The following AGAP1 variants were observed in gnomAD, a reference collection of about 807,000 sequenced individuals.
AGAP1 encodes arf-GAP with GTPase, ANK repeat and PH domain-containing protein 1.
A neutral mutation model predicts 105.3 loss-of-function variants in AGAP1; 29 were observed. That is an observed-to-expected ratio of 0.28 (90% CI 0.21 to 0.38). AGAP1 has a LOEUF of 0.38. Among genes scored for constraint, AGAP1 ranks in the 10% least tolerant of loss-of-function variants. AGAP1 has a pLI of 1.00. For missense variants in AGAP1, 998 were observed against 1,165.1 expected (o/e 0.86, Z 2.09); for synonymous variants, 509 against 485.9 (o/e 1.05, Z -0.63).
intron 3 of AGAP1, among the ~76,000 whole-genome samples, chr2:235,738,796 G>A (rs1004436514): frequency 1.3e-5 from 2 of 152,054 alleles, no homozygotes; most frequent in African/African-American, 4.8e-5. Flanking sequence ...GACCTCAGGT[G>A]ATCCACCTGC....
At chr2:236,004,426 T>C (rs1475139480) in intron 13 of AGAP1, among the ~76,000 whole-genome samples, 1 of 152,222 alleles carries the variant, frequency 6.6e-6, no homozygotes, top group Non-Finnish European at 1.5e-5. Flanking sequence ...CATTAAAAGC[T>C]AATCCTGAAA....
intron 1 of AGAP1, among the ~76,000 whole-genome samples, chr2:235,636,062 G>C (rs371478283): frequency 1.3e-5 from 2 of 152,090 alleles, no homozygotes; most frequent in East Asian, 1.9e-4. Context: ...GCAGTGAGCC[G>C]AGATCGTGCC....
At chr2:235,693,754 G>C (rs911831180) in intron 1 of AGAP1, among the ~76,000 whole-genome samples, 3 of 152,162 alleles carry the variant, frequency 2.0e-5, no homozygotes, top group Non-Finnish European at 4.4e-5. Flanking sequence ...GTAGAAATTA[G>C]ATAAGAGTTA....
chr2:235,805,823 CCT>C (rs1360042091), intron 8 of AGAP1, among the ~76,000 whole-genome samples: 1 of 152,040 alleles, frequency 6.6e-6, no homozygotes, highest in African/African-American at 2.4e-5. Context: ...TGATTTATTC[CCT>C]GTCATCTCAT....
intron 15 of AGAP1, among the ~76,000 whole-genome samples, chr2:236,043,209 A>G (rs920030004): frequency 1.3e-5 from 2 of 152,226 alleles, no homozygotes; most frequent in African/African-American, 2.4e-5. Flanking sequence ...CCTTTCGACA[A>G]TGTATATAAA....
intron 12 of AGAP1, among the ~76,000 whole-genome samples, chr2:235,937,126 C>T (rs545277859): frequency 3.5e-4 from 54 of 152,274 alleles, no homozygotes; most frequent in African/African-American, 1.1e-3. Flanking sequence ...AAAAGCGTTC[C>T]CTGGGGGTTG....
Position 236,005,119 on chromosome 2 carries a change from T to C in AGAP1, c.1646-31442T>C, listed in dbSNP as rs1395524530. ...CCACTTCCCCCTGACAAGTTTCCCA[T>C]GTTTTTTGTGTGTGTGTGTGTTTTG... On this transcript the variant is annotated intron_variant, in intron 13 of 17. Transcript: ENST00000304032. This position sits in a 1 kb window ranked among gnomAD's most constrained non-coding sequence, Gnocchi z 4.1. 7.0e-6 allele frequency among the ~76,000 whole-genome samples: 1 copy of C among 141,950 alleles called. No individual in the cohort carries two copies. The highest frequency in any genetic ancestry group is 2.0e-4 in the East Asian group (1 of 4,962). 93.1% of individuals were successfully genotyped at this position (141,950 alleles called of 152,430 possible).
intron 1 of AGAP1, chr2:235,670,729 C>A: frequency 1.2e-6 from 1 of 855,598 alleles, no homozygotes; most frequent in Non-Finnish European, 1.8e-6. Flanking sequence ...AGCGCAACAC[C>A]CTGGACGTGG....
At chr2:235,814,985 T>C (rs918777388) in intron 9 of AGAP1, among the ~76,000 whole-genome samples, 2 of 152,034 alleles carry the variant, frequency 1.3e-5, no homozygotes, top group Admixed American at 1.3e-4. Context: ...CCCATAGGGT[T>C]TGAGATGATG....
intron 16 of AGAP1, among the ~76,000 whole-genome samples, chr2:236,075,922 C>T (rs921386007): frequency 1.3e-5 from 2 of 152,194 alleles, no homozygotes; most frequent in South Asian, 2.1e-4. Context: ...TAGAGCAAAC[C>T]TCCGCAGGGA....
At chr2:235,649,767 G>A (rs1243507489) in intron 1 of AGAP1, among the ~76,000 whole-genome samples, 5 of 152,280 alleles carry the variant, frequency 3.3e-5, no homozygotes, top group East Asian at 1.9e-4. Flanking sequence ...GTTCTATCAC[G>A]GTAACGATAC....
rs1452837843 is a variant in AGAP1 at position 236,035,085 on chromosome 2, G to C, written c.1646-1476G>C. Among the ~76,000 whole-genome samples the C allele has an allele frequency of 6.6e-6, 1 of 152,224 alleles. No homozygotes were observed. Among genetic ancestry groups the C allele is most frequent in the Non-Finnish European group, 1.5e-5 (1 of 68,038 alleles). ...GCCTGGGAGAGCCAGTCTAGGTGAGGTCAGTAAGCCGTGCTTGGAAGCTGG... is the reference window on the plus strand; with the variant it reads ...GCCTGGGAGAGCCAGTCTAGGTGAGCTCAGTAAGCCGTGCTTGGAAGCTGG... On this transcript the variant is annotated intron_variant, in intron 13 of 17. Transcript: ENST00000304032. The surrounding 1 kb of genome is among the most constrained non-coding windows in gnomAD (Gnocchi z 4.2).
At chr2:235,780,804 A>G (rs933621191) in intron 6 of AGAP1, among the ~76,000 whole-genome samples, 12 of 152,234 alleles carry the variant, frequency 7.9e-5, no homozygotes, top group African/African-American at 2.9e-4. Context: ...GGTTGGTGGT[A>G]GAAACAGTTG....
chr2:236,104,064 GCAATGTGAAA>G lies in AGAP1; in HGVS notation c.2115-16126_2115-16117del, dbSNP rs1187931073. Reference sequence around the variant, plus strand: ...TTGAATATTCAAACCCAGGCCTGCAGCAATGTGAAACCTTAGGTACTTCCCACTTGCATTT... The same window carrying G: ...TTGAATATTCAAACCCAGGCCTGCAGCCTTAGGTACTTCCCACTTGCATTT... On this transcript the variant is annotated intron_variant, in intron 16 of 17. Transcript: ENST00000304032. This position sits in a 1 kb window ranked among gnomAD's most constrained non-coding sequence, Gnocchi z 4.7. 2.0e-5 allele frequency among the ~76,000 whole-genome samples: 3 copies of G among 152,216 alleles called. No homozygotes were observed. The highest frequency in any genetic ancestry group is 6.5e-5 in the Admixed American group (1 of 15,288).
At chr2:235,681,347 G>A (rs545943325) in intron 1 of AGAP1, among the ~76,000 whole-genome samples, 19 of 152,122 alleles carry the variant, frequency 1.2e-4, no homozygotes, top group African/African-American at 4.1e-4. Flanking sequence ...CCCTTCTTAC[G>A]CGCCTCCCGA....
chr2:235,673,933 A>G (rs1388312331), intron 1 of AGAP1, among the ~76,000 whole-genome samples: 1 of 152,238 alleles, frequency 6.6e-6, no homozygotes, highest in African/African-American at 2.4e-5. Context: ...CTTAGAGTTA[A>G]TTGCTTAGGC....
Position 235,882,338 on chromosome 2 carries a change from G to A in AGAP1, c.1051-1007G>A, listed in dbSNP as rs1189284985. The A allele has an allele frequency of 3.5e-5, 39 of 1,107,110 alleles. No individual in the cohort carries two copies. Among genetic ancestry groups the A allele is most frequent in the South Asian group, 5.3e-5 (4 of 74,770 alleles). 68.6% of individuals were successfully genotyped at this position (1,107,110 alleles called of 1,614,324 possible). ...TCACAACTGGGGTCTTAAGGATGAC[G>A]AGGGCAGGAAATCCTCCGGGCTCTT... On this transcript the variant is annotated intron_variant, in intron 9 of 17. Transcript: ENST00000304032. The surrounding 1 kb of genome is among the most constrained non-coding windows in gnomAD (Gnocchi z 4.6).
Position 235,877,954 on chromosome 2 carries a change from G to C in AGAP1, c.1051-5391G>C, listed in dbSNP as rs2106596732. On this transcript the variant is annotated intron_variant, in intron 9 of 17. Coordinates refer to ENST00000304032, the MANE Select transcript of AGAP1 (RefSeq NM_001037131.3). The surrounding 1 kb of genome is among the most constrained non-coding windows in gnomAD (Gnocchi z 4.3). ...GATAACCCCTTCCTCCCTCCACCCT[G>C]CACACCTATGGCAGGGCCCAGACAT... Among the ~76,000 whole-genome samples, 1 of 152,264 alleles carries C rather than the reference G, an allele frequency of 6.6e-6. No individual in the cohort carries two copies.
rs75717805 is a variant in AGAP1, at chr2:235,799,888, T to C, written c.957+366T>C. Among the ~76,000 whole-genome samples the C allele has an allele frequency of 1.1e-3, 164 of 152,140 alleles. 1 individual carries two copies. Among genetic ancestry groups the C allele is most frequent in the African/African-American group, 3.8e-3 (159 of 41,512 alleles). On this transcript the variant is annotated intron_variant, in intron 8 of 17. Coordinates refer to ENST00000304032, the MANE Select transcript of AGAP1 (RefSeq NM_001037131.3). This position sits in a 1 kb window ranked among gnomAD's most constrained non-coding sequence, Gnocchi z 5.0. ...CTAACCGTTCAGATGATATATAAGC[T>C]ATTACTGTCCACAGGCCCTCTTCTT...
Sources: gnomAD v4.1 joint callset for allele counts (sites outside exome capture counted in the v4.1 genomes callset) on GRCh38, gnomAD v4.1.1 for gene constraint, Gnocchi (gnomAD v3.1) non-coding constraint, MANE v1.5 for transcripts, NCBI Gene and HGNC (gene_info 2026-07-23, HGNC 2026-07-21) for gene names.